Variants in SPATA13 observed in about 807,000 individuals in gnomAD.
The protein encoded by SPATA13 is spermatogenesis-associated protein 13.
Under a neutral mutation model 104.0 loss-of-function variants are expected in SPATA13, and 50 were observed. The ratio of observed to expected loss-of-function variants is 0.48; its 90% CI spans 0.38 to 0.61. The LOEUF is 0.61. SPATA13 is among the 20% of genes least tolerant of loss of function. SPATA13 has a pLI of 0.00. For missense variants in SPATA13, 1,524 were observed against 1,690.6 expected (o/e 0.90, Z 1.73); for synonymous variants, 606 against 667.5 (o/e 0.91, Z 1.42).
intron 3 of SPATA13, among the ~76,000 whole-genome samples, chr13:24,052,828 G>C (rs376953910): frequency 0.27 from 284 of 1,058 alleles, 23 homozygotes; most frequent in East Asian, 0.52. Flanking sequence ...CCTGCCGCCA[G>C]GGGATCCTCC....
intron 10 of SPATA13, among the ~76,000 whole-genome samples, chr13:24,296,973 T>C (rs1285946333): frequency 6.6e-6 from 1 of 152,168 alleles, no homozygotes; most frequent in African/African-American, 2.4e-5. Flanking sequence ...GTCTCTTCCA[T>C]ATCCTAACAC....
At chr13:24,140,068 C>CAAA (rs542732994) in intron 3 of SPATA13, among the ~76,000 whole-genome samples, 1 of 85,900 alleles carries the variant, frequency 1.2e-5, no homozygotes, top group African/African-American at 3.7e-5. Context: ...GACTCCGTCT[C>CAAA]AAAAAAAAAA....
chr13:24,035,953 A>G (rs1030551590), intron 3 of SPATA13, among the ~76,000 whole-genome samples: 2 of 150,986 alleles, frequency 1.3e-5, no homozygotes, highest in African/African-American at 4.9e-5. Context: ...GGTTGAGGCC[A>G]CACTGAGCCA....
intron 1 of SPATA13, among the ~76,000 whole-genome samples, chr13:24,213,863 A>G (rs1357186462): frequency 6.6e-6 from 1 of 152,230 alleles, no homozygotes; most frequent in African/African-American, 2.4e-5. Context: ...TTAGAATACT[A>G]CTTGTTCAAC....
intron 2 of SPATA13, among the ~76,000 whole-genome samples, chr13:24,003,683 G>A (rs1876085588): frequency 6.6e-6 from 1 of 152,152 alleles, no homozygotes; most frequent in Non-Finnish European, 1.5e-5. Flanking sequence ...TTGAAGCAGA[G>A]TATTATGACT....
At chr13:24,213,006 C>A (rs1462712735) in intron 1 of SPATA13, among the ~76,000 whole-genome samples, 1 of 152,234 alleles carries the variant, frequency 6.6e-6, no homozygotes, top group Non-Finnish European at 1.5e-5. Context: ...AATAGCACAT[C>A]GCAGCAGAGG....
intron 1 of SPATA13, among the ~76,000 whole-genome samples, chr13:24,206,296 A>C (rs983364477): frequency 1.6e-4 from 25 of 152,162 alleles, no homozygotes; most frequent in African/African-American, 5.8e-4. Flanking sequence ...ACATGTGGCC[A>C]CAAAACATGA....
chr13:24,172,563 T>A (rs569151008), intron 1 of SPATA13, among the ~76,000 whole-genome samples: 5 of 152,268 alleles, frequency 3.3e-5, no homozygotes, highest in Non-Finnish European at 5.9e-5. Context: ...AGTGTTTTTT[T>A]CTTGGCCTGT....
Position 24,221,035 on chromosome 13 carries a change from A to G in SPATA13, c.-111-1784A>G, listed in dbSNP as rs2027438. On this transcript the variant is annotated intron_variant, in intron 1 of 12. Transcript: ENST00000382108. ...GCCTTGGAGGTAATGGCATTGACTG[A>G]TGTCTAAAGATTTTTGGGATTTATT... is the stretch of plus-strand genomic sequence containing the variant. Among the ~76,000 whole-genome samples the G allele has an allele frequency of 0.017, 2,526 of 152,226 alleles. 130 individuals are homozygous for G. In the East Asian group the frequency reaches 0.18, roughly 11 times the overall value.
intron 2 of SPATA13, among the ~76,000 whole-genome samples, chr13:23,992,236 T>C (rs1875449193): frequency 6.6e-6 from 1 of 152,054 alleles, no homozygotes; most frequent in East Asian, 1.9e-4. Flanking sequence ...GTCCAGGAGG[T>C]CTGAGTCTAG....
At chr13:24,072,057 A>AT (rs1459106798) in intron 3 of SPATA13, among the ~76,000 whole-genome samples, 2 of 152,224 alleles carry the variant, frequency 1.3e-5, no homozygotes, top group African/African-American at 4.8e-5. Flanking sequence ...AGAAGTGCAC[A>AT]TGTCCAATCA....
chr13:24,117,503 T>G (rs530140156), intron 3 of SPATA13, among the ~76,000 whole-genome samples: 1 of 152,322 alleles, frequency 6.6e-6, no homozygotes, highest in South Asian at 2.1e-4. Context: ...ATGACTTTAG[T>G]GATGTCAGTT....
intron 8 of SPATA13, among the ~76,000 whole-genome samples, chr13:24,290,425 C>T (rs1451275252): frequency 6.6e-6 from 1 of 152,112 alleles, no homozygotes; most frequent in Non-Finnish European, 1.5e-5. Flanking sequence ...CATCCCCAAC[C>T]CCCTCAGGAG....
chr13:24,120,427 C>T (rs185775934), intron 3 of SPATA13, among the ~76,000 whole-genome samples: 22 of 152,316 alleles, frequency 1.4e-4, no homozygotes, highest in Admixed American at 1.2e-3. Flanking sequence ...GTGTCCCTAT[C>T]AGGCGCAGCA....
Position 24,297,595 on chromosome 13 carries a change from G to A in SPATA13, c.3443G>A (p.Ser1148Asn). Reference protein sequence around the residue: ...GDGRDKDCNLSVKNAFKLVSR... With the variant: ...GDGRDKDCNLNVKNAFKLVSR... ...GGGCGCGACAAGGACTGCAACCTCA[G>A]CGTGAAAAATGCCTTCAAGCTCGTC... The change falls in exon 11 of 13, where the codon AGC becomes AAC. Residue 1148 changes from serine to asparagine, a missense_variant. Physicochemically the swap from Ser to Asn is conservative, Grantham distance 46. Coordinates refer to ENST00000382108, the MANE Select transcript of SPATA13 (RefSeq NM_001166271.3). 6.2e-7 allele frequency: 1 copy of A among 1,614,200 alleles called. No individual in the cohort carries two copies. The highest frequency in any genetic ancestry group is 1.3e-5 in the African/African-American group (1 of 75,044).
At chr13:24,278,950 C>CTCCTTCCT (rs150971730) in intron 4 of SPATA13, 1 of 644,482 alleles carries the variant, frequency 1.6e-6, no homozygotes, top group Admixed American at 5.4e-5. Context: ...CCTTCCTTCC[C>CTCCTTCCT]TCCTTCCTTC....
At chr13:24,218,964 TTTTG>T (rs755381040) in intron 1 of SPATA13, among the ~76,000 whole-genome samples, 7 of 151,864 alleles carry the variant, frequency 4.6e-5, no homozygotes, top group Non-Finnish European at 7.4e-5. Flanking sequence ...TGTTTCATTT[TTTTG>T]TTTGTTTGTT....
chr13:23,980,649 G>A (rs961921657), intron 1 of SPATA13, among the ~76,000 whole-genome samples: 2 of 152,208 alleles, frequency 1.3e-5, no homozygotes, highest in African/African-American at 4.8e-5. Context: ...TTGGAGGGCA[G>A]TGGCGGATCT....
intron 3 of SPATA13, among the ~76,000 whole-genome samples, chr13:24,130,161 G>A (rs1196346593): frequency 1.3e-5 from 2 of 152,224 alleles, no homozygotes; most frequent in African/African-American, 4.8e-5. Context: ...CTGCCTGGGT[G>A]CTCAGCACTT....
Sources: allele counts gnomAD v4.1 joint callset (sites outside exome capture counted in the v4.1 genomes callset), GRCh38; gene constraint gnomAD v4.1.1; transcripts MANE v1.5; gene names NCBI Gene and HGNC (gene_info 2026-07-23, HGNC 2026-07-21).